Variants in DLGAP2 observed in about 807,000 individuals in gnomAD.
DLGAP2 encodes the protein disks large-associated protein 2.
A neutral mutation model predicts 100.3 loss-of-function variants in DLGAP2; 26 were observed. The observed-to-expected ratio is 0.26, with a 90% CI of 0.19 to 0.36. The LOEUF (loss-of-function observed/expected upper bound fraction) is 0.36. Among genes scored for constraint, DLGAP2 ranks in the 10% least tolerant of loss-of-function variants. The pLI is 1.00. For synonymous variants in DLGAP2, 886 were observed against 630.1 expected, an observed-to-expected ratio of 1.41 and a Z score of -6.08; for missense variants, 1,858 against 1,453.2, an observed-to-expected ratio of 1.28 and a Z score of -4.53.
chr8:1,357,003 A>G (rs1369985964), intron 3 of DLGAP2, among the ~76,000 whole-genome samples: 1 of 152,194 alleles, frequency 6.6e-6, no homozygotes, highest in South Asian at 2.1e-4. Context: ...ACAGCGGGGT[A>G]GGGCTCAGAG....
At chr8:1,644,225 C>T (rs1035728733) in intron 8 of DLGAP2, among the ~76,000 whole-genome samples, 6 of 152,250 alleles carry the variant, frequency 3.9e-5, no homozygotes, top group African/African-American at 1.4e-4. Context: ...CTCCATCCTG[C>T]CTGCAGGACA....
intron 6 of DLGAP2, among the ~76,000 whole-genome samples, chr8:1,601,973 T>TGTGTGTGA (rs1433933532): frequency 4.0e-5 from 6 of 151,896 alleles, no homozygotes; most frequent in Non-Finnish European, 5.9e-5. Context: ...TGTGTGTGTG[T>TGTGTGTGA]GTGTGTGATC....
chr8:1,069,709 A>C (rs1479864840), intron 2 of DLGAP2, among the ~76,000 whole-genome samples: 1 of 152,160 alleles, frequency 6.6e-6, no homozygotes, highest in Admixed American at 6.6e-5. Context: ...CCTACGATAA[A>C]AGTTATTTGT....
intron 3 of DLGAP2, among the ~76,000 whole-genome samples, chr8:1,326,501 T>C (rs1387274905): frequency 6.6e-6 from 1 of 151,652 alleles, no homozygotes; most frequent in Non-Finnish European, 1.5e-5. Flanking sequence ...GGCCTGTCAC[T>C]CAGGACACGG....
At chr8:979,395 CTG>C (rs1172964617) in intron 2 of DLGAP2, among the ~76,000 whole-genome samples, 2 of 152,224 alleles carry the variant, frequency 1.3e-5, no homozygotes, top group Non-Finnish European at 2.9e-5. Context: ...ACATAATAGT[CTG>C]TGATTTTATC....
chr8:1,144,877 ACAGACGGCCTGTACCCACAGTCAAACCG>A (rs1214144462), intron 2 of DLGAP2, among the ~76,000 whole-genome samples: 119 of 145,704 alleles, frequency 8.2e-4, no homozygotes, highest in Middle Eastern at 3.6e-3. Context: ...CAGTCAAACC[ACAGACGGCCTGTACCCACAGTCAAACCG>A]CAGACGGCCT....
chr8:1,641,493 T>G (rs544168770), intron 8 of DLGAP2, among the ~76,000 whole-genome samples: 1 of 152,274 alleles, frequency 6.6e-6, no homozygotes, highest in East Asian at 1.9e-4. Context: ...AGTGAACTTG[T>G]CTAGACGAAT....
chr8:1,156,944 C>T (rs1278576767), intron 2 of DLGAP2, among the ~76,000 whole-genome samples: 1 of 152,114 alleles, frequency 6.6e-6, no homozygotes, highest in Non-Finnish European at 1.5e-5. Context: ...TCCTTGAGTT[C>T]CTTGTCTTCA....
intron 1 of DLGAP2, among the ~76,000 whole-genome samples, chr8:894,109 T>C (rs1444837215): frequency 6.6e-6 from 1 of 152,194 alleles, no homozygotes; most frequent in Non-Finnish European, 1.5e-5. Context: ...CGGAGCAGTG[T>C]GCGTCTCCCT....
At chr8:1,334,997 C>T (rs987473026) in intron 3 of DLGAP2, among the ~76,000 whole-genome samples, 4 of 152,182 alleles carry the variant, frequency 2.6e-5, no homozygotes, top group Admixed American at 6.5e-5. Context: ...GCCTTAAAAA[C>T]ACAGAAATCT....
intron 3 of DLGAP2, among the ~76,000 whole-genome samples, chr8:1,463,682 C>G (rs1474939132): frequency 6.6e-6 from 1 of 152,240 alleles, no homozygotes; most frequent in African/African-American, 2.4e-5. Flanking sequence ...TCCCAGCAAG[C>G]ATTCGTGAAA....
chr8:742,586 G>A (rs780396530), intron 1 of DLGAP2, among the ~76,000 whole-genome samples: 1 of 152,184 alleles, frequency 6.6e-6, no homozygotes, highest in Non-Finnish European at 1.5e-5. Flanking sequence ...ATAGCTAACT[G>A]CAGTCTTGAC....
chr8:1,287,170 G>A lies in DLGAP2; in HGVS notation c.106+28287G>A, dbSNP rs1285730835. Among the ~76,000 whole-genome samples the A allele has an allele frequency of 2.4e-4, 34 of 143,062 alleles. 1 individual carries two copies. The highest frequency in any genetic ancestry group is 4.3e-4 in the Non-Finnish European group (28 of 65,512). 93.9% of individuals were successfully genotyped at this position (143,062 alleles called of 152,430 possible). ...TGTGTGTGTGTGTGCGCGCGCGCGC[G>A]TGGTTCTGTTAGGAGGGGAACTAGT... On this transcript the variant is annotated intron_variant, in intron 3 of 14. Coordinates refer to ENST00000637795, the MANE Select transcript of DLGAP2 (RefSeq NM_001346810.2).
intron 5 of DLGAP2, 195 bp from the exon 6 acceptor site, chr8:1,565,488 T>C (rs1802360106): frequency 5.4e-6 from 3 of 554,050 alleles, no homozygotes; most frequent in African/African-American, 1.9e-5. Context: ...CTATCACTTA[T>C]AATGAAGAAA....
chr8:879,657 T>G (rs1468191673), intron 1 of DLGAP2, among the ~76,000 whole-genome samples: 1 of 152,228 alleles, frequency 6.6e-6, no homozygotes, highest in Admixed American at 6.5e-5. Context: ...ACCTCCCTTC[T>G]GACTCACTTC....
chr8:1,102,609 T>C (rs1804621130), intron 2 of DLGAP2, among the ~76,000 whole-genome samples: 2 of 152,276 alleles, frequency 1.3e-5, no homozygotes, highest in South Asian at 4.1e-4. Flanking sequence ...ATTCTGATAA[T>C]ATTTCAGGAA....
intron 2 of DLGAP2, among the ~76,000 whole-genome samples, chr8:967,686 C>A (rs1486842748): frequency 6.9e-6 from 1 of 144,682 alleles, no homozygotes; most frequent in Non-Finnish European, 1.5e-5. Context: ...TACCTATGTA[C>A]ATTTATTGCT....
At chr8:978,225 G>T (rs1300649417) in intron 2 of DLGAP2, among the ~76,000 whole-genome samples, 152 of 93,206 alleles carry the variant, frequency 1.6e-3, no homozygotes, top group Non-Finnish European at 3.0e-3. Context: ...GCAGTGAGGG[G>T]CTGGGTTCTG....
rs138745055 is a variant in DLGAP2, at chr8:1,681,375, G to A, written c.2704+2746G>A. Among the ~76,000 whole-genome samples the A allele has an allele frequency of 3.4e-3, 524 of 152,206 alleles. 3 individuals carry two copies. The highest frequency in any genetic ancestry group is 0.017 in the Middle Eastern group (5 of 294). Reference sequence around the variant, plus strand: ...CAGCTGGGCACAGTGGCTCACACCTGTAATCCCAGCACTTTGTGAGGCTGA... The same window carrying A: ...CAGCTGGGCACAGTGGCTCACACCTATAATCCCAGCACTTTGTGAGGCTGA... On this transcript the variant is annotated intron_variant, in intron 12 of 14. Coordinates refer to ENST00000637795, the MANE Select transcript of DLGAP2 (RefSeq NM_001346810.2).
Sources: gnomAD v4.1 joint callset for allele counts (sites outside exome capture counted in the v4.1 genomes callset) on GRCh38, gnomAD v4.1.1 for gene constraint, MANE v1.5 for transcripts, NCBI Gene and HGNC (gene_info 2026-07-23, HGNC 2026-07-21) for gene names.